The following PCDHGA7 variants were observed in gnomAD, a reference collection of about 807,000 sequenced individuals.
PCDHGA7 encodes protocadherin gamma subfamily A, 7.
Under a neutral mutation model 58.3 loss-of-function variants are expected in PCDHGA7, and 44 were observed. The observed-to-expected ratio is 0.75, with a 90% confidence interval of 0.59 to 0.97. The LOEUF is 0.97. Among genes scored for constraint, PCDHGA7 ranks in the 50% least tolerant of loss-of-function variants. The probability of loss-of-function intolerance (pLI) is 0.00; values close to 1 mark genes in which losing one functional copy is unlikely to be tolerated. For synonymous variants in PCDHGA7, 516 were observed against 504.2 expected (o/e 1.02, Z -0.31); for missense variants, 1,266 against 1,188.7 (o/e 1.06, Z -0.96).
In PCDHGA7 at chr5:141,490,134, C is replaced by G; in HGVS notation, c.2425-4673C>G. On this transcript the variant is annotated intron_variant, in intron 1 of 3. Transcript: ENST00000518325. This position sits in a 1 kb window ranked among gnomAD's most constrained non-coding sequence, Gnocchi z 5.4. ...GGAACCTCTTTGGCCTAGACCCTAG[C>G]AGTGGGGCAATCCATGTGTTGGGTC... The G allele has an allele frequency of 1.2e-6, 2 of 1,614,232 alleles. No homozygotes were observed. The highest frequency in any genetic ancestry group is 1.7e-6 in the Non-Finnish European group (2 of 1,180,030).
At chr5:141,474,332 G>A (rs1427828070) in intron 1 of PCDHGA7, among the ~76,000 whole-genome samples, 1 of 152,168 alleles carries the variant, frequency 6.6e-6, no homozygotes, top group Non-Finnish European at 1.5e-5. Flanking sequence ...TCACCCTGAT[G>A]TTTTGTTAAA....
At chr5:141,387,728 C>A (rs1366349422) in intron 1 of PCDHGA7, 3 of 1,221,130 alleles carry the variant, frequency 2.5e-6, no homozygotes, top group Non-Finnish European at 2.2e-6. Flanking sequence ...TCCCCAGCGC[C>A]AGCCTTTACA....
In PCDHGA7 at chr5:141,384,287, A is replaced by G; in HGVS notation, c.1388A>G (p.Glu463Gly). Reference sequence around the variant, plus strand: ...TCATCCTACTCAGTCTACATCGCTGAGAACAACCCCAGAGGGGCCTCCATT... The same window carrying G: ...TCATCCTACTCAGTCTACATCGCTGGGAACAACCCCAGAGGGGCCTCCATT... ...PHSSYSVYIA[E>G]NNPRGASIFL... Residue 463 changes from glutamate to glycine, a missense_variant, in exon 1 of 4, where the codon GAG becomes GGG. Physicochemically the swap from Glu to Gly is moderately conservative, Grantham distance 98 (BLOSUM62 -2). Transcript: ENST00000518325. 1 of 1,613,838 alleles carries G rather than the reference A, an allele frequency of 6.2e-7. No individual in the cohort carries two copies. Among genetic ancestry groups the G allele is most frequent in the South Asian group, 1.1e-5 (1 of 91,082 alleles).
intron 1 of PCDHGA7, among the ~76,000 whole-genome samples, chr5:141,450,814 A>ATT (rs755856825): frequency 0.033 from 4,450 of 136,778 alleles, 81 homozygotes; most frequent in Middle Eastern, 0.081. Context: ...TTATTTATTT[A>ATT]ATATTATTAT....
intron 1 of PCDHGA7, among the ~76,000 whole-genome samples, chr5:141,461,046 G>A (rs984653754): frequency 6.6e-6 from 1 of 151,578 alleles, no homozygotes; most frequent in Non-Finnish European, 1.5e-5. Context: ...AGTCGATGGG[G>A]ACTTAGGTTG....
rs2233613 is a variant in PCDHGA7 at position 141,511,203 on chromosome 5, G to A, written c.*30G>A. 0.14 allele frequency: 222,603 copies of A among 1,611,360 alleles called. 15,640 individuals carry two copies. The highest frequency in any genetic ancestry group is 0.18 in the Admixed American group (10,873 of 59,374). ...GAGGCCAGGCCAAGAGCCACAGGGC[G>A]GCCTCTCCCCAACCAGCCCAGCTTC... On this transcript the variant is annotated 3_prime_UTR_variant, in exon 4 of 4. Transcript: ENST00000518325.
intron 1 of PCDHGA7, chr5:141,422,738 C>G: frequency 6.2e-7 from 1 of 1,609,538 alleles, no homozygotes; most frequent in Non-Finnish European, 8.5e-7. Flanking sequence ...CCTCTGTCCT[C>G]CTATGTCTCT....
intron 1 of PCDHGA7, chr5:141,388,516 C>T (rs755004350): frequency 4.3e-6 from 7 of 1,613,864 alleles, no homozygotes; most frequent in South Asian, 3.3e-5. Context: ...TACCACTTGA[C>T]TTTGACTGCC....
intron 1 of PCDHGA7, among the ~76,000 whole-genome samples, chr5:141,482,057 C>A (rs2099551189): frequency 6.7e-6 from 1 of 149,978 alleles, no homozygotes; most frequent in Non-Finnish European, 1.5e-5. Flanking sequence ...TGCATTCCAG[C>A]CTGGGCAACA....
chr5:141,410,710 CAT>C lies in PCDHGA7; in HGVS notation c.2424+25390_2424+25391del, dbSNP rs140431021. 1.9e-3 allele frequency: 2,785 copies of C among 1,444,504 alleles called. 45 individuals are homozygous for C. In the African/African-American group the frequency reaches 0.033, roughly 17 times the overall value. The allele number at this position is 1,444,504 out of a possible 1,614,324, so 89.5% of individuals were successfully genotyped here. On this transcript the variant is annotated intron_variant, in intron 1 of 3. Coordinates refer to ENST00000518325, the MANE Select transcript of PCDHGA7 (RefSeq NM_018920.4). ...ACTACTTTATTTTCATATCTAGAATCATATGTTTAAAATCCATAGCTTTTTAC... is the reference window on the plus strand; with the variant it reads ...ACTACTTTATTTTCATATCTAGAATCATGTTTAAAATCCATAGCTTTTTAC...
chr5:141,401,283 G>A (rs751622626), intron 1 of PCDHGA7, among the ~76,000 whole-genome samples: 2 of 152,044 alleles, frequency 1.3e-5, no homozygotes, highest in Non-Finnish European at 2.9e-5. Flanking sequence ...TGGAGGTTGC[G>A]GTGAGCCGAG....
intron 1 of PCDHGA7, chr5:141,387,841 C>T: frequency 2.5e-6 from 4 of 1,597,678 alleles, no homozygotes; most frequent in Non-Finnish European, 3.4e-6. Flanking sequence ...TATTTGTAAC[C>T]CGGCGTCTCC....
Position 141,489,805 on chromosome 5 carries a change from A to T in PCDHGA7, c.2425-5002A>T. On this transcript the variant is annotated intron_variant, in intron 1 of 3. Transcript: ENST00000518325. The surrounding 1 kb of genome is among the most constrained non-coding windows in gnomAD (Gnocchi z 4.5). ...GAATGTGAAGACCCTAAAAGATGGG[A>T]AGCCATTCCCAGAGCTGGTGCTAGA... 1 of 1,614,166 alleles carries T rather than the reference A, an allele frequency of 6.2e-7. No individual in the cohort carries two copies. Among genetic ancestry groups the T allele is most frequent in the Non-Finnish European group, 8.5e-7 (1 of 1,180,012 alleles).
At chr5:141,437,426 C>G (rs531265278) in intron 1 of PCDHGA7, among the ~76,000 whole-genome samples, 2 of 152,150 alleles carry the variant, frequency 1.3e-5, no homozygotes, top group Non-Finnish European at 2.9e-5. Context: ...CTTTTTGAAG[C>G]AGCAATAGCA....
intron 1 of PCDHGA7, chr5:141,400,680 G>A (rs1452030965): frequency 1.4e-5 from 12 of 883,960 alleles, no homozygotes; most frequent in Admixed American, 5.5e-5. Context: ...GCAGTAAATT[G>A]TGAGTTTTTA....
intron 1 of PCDHGA7, chr5:141,468,632 C>G (rs1385644482): frequency 6.6e-6 from 1 of 151,628 alleles, no homozygotes; most frequent in Non-Finnish European, 1.5e-5. Context: ...TTTGGGAGGC[C>G]GAGGTGGGCG....
At chr5:141,386,438 G>A (rs79313044) in intron 1 of PCDHGA7, among the ~76,000 whole-genome samples, 2,560 of 152,240 alleles carry the variant, frequency 0.017, 31 homozygotes, top group South Asian at 0.037. Context: ...CTGCATGGGA[G>A]GCTGAGGCAA....
chr5:141,403,855 A>G (rs750458276), intron 1 of PCDHGA7: 12 of 1,613,676 alleles, frequency 7.4e-6, no homozygotes, highest in Non-Finnish European at 1.0e-5. Flanking sequence ...CTGGGGAAAT[A>G]TCAACAGCAA....
Position 141,399,184 on chromosome 5 carries a change from C to T in PCDHGA7, c.2424+13861C>T, listed in dbSNP as rs1398440525. The T allele has an allele frequency of 1.9e-6, 3 of 1,613,746 alleles. No individual in the cohort carries two copies. In the African/African-American group the frequency reaches 4.0e-5, roughly 22 times the overall value. On this transcript the variant is annotated intron_variant, in intron 1 of 3. Coordinates refer to ENST00000518325, the MANE Select transcript of PCDHGA7 (RefSeq NM_018920.4). The stretch of plus-strand genomic sequence containing the variant: ...ATTCCATTCTCTACTTGAAATGATT[C>T]TGGAAAACGCGGTGCCTGGAACACT...
Sources: gnomAD v4.1 joint callset for allele counts (sites outside exome capture counted in the v4.1 genomes callset) on GRCh38, gnomAD v4.1.1 for gene constraint, Gnocchi (gnomAD v3.1) non-coding constraint, MANE v1.5 for transcripts, NCBI Gene and HGNC (gene_info 2026-07-23, HGNC 2026-07-21) for gene names.